The following PTPRD variants were observed in gnomAD, a reference collection of about 807,000 sequenced individuals.
The protein encoded by PTPRD is receptor-type tyrosine-protein phosphatase delta.
PTPRD carries 34 observed loss-of-function variants against 214.5 expected under a neutral mutation model. The ratio of observed to expected loss-of-function variants is 0.16; its 90% confidence interval spans 0.12 to 0.21. The LOEUF (loss-of-function observed/expected upper bound fraction) is 0.21. Among genes scored for constraint, PTPRD ranks in the 10% least tolerant of loss-of-function variants. PTPRD has a pLI of 1.00. For synonymous variants in PTPRD, 1,128 were observed against 845.7 expected, an observed-to-expected ratio of 1.33 and a Z score of -5.79; for missense variants, 2,545 against 2,398.7, an observed-to-expected ratio of 1.06 and a Z score of -1.27.
At chr9:9,189,413 T>C (rs968575486) in intron 9 of PTPRD, among the ~76,000 whole-genome samples, 1 of 152,076 alleles carries the variant, frequency 6.6e-6, no homozygotes, top group Non-Finnish European at 1.5e-5. Flanking sequence ...CATAAATTCA[T>C]TTTATTAAAT....
At chr9:9,097,359 G>A (rs1198236124) in intron 10 of PTPRD, among the ~76,000 whole-genome samples, 2 of 151,894 alleles carry the variant, frequency 1.3e-5, no homozygotes, top group Non-Finnish European at 2.9e-5. Flanking sequence ...AAGGACTGGA[G>A]GAAGGGTTTA....
chr9:10,390,256 G>A (rs1161955872), intron 2 of PTPRD, among the ~76,000 whole-genome samples: 1 of 151,770 alleles, frequency 6.6e-6, no homozygotes, highest in Non-Finnish European at 1.5e-5. Context: ...ATCATACCAT[G>A]TGGTCTTAGA....
Position 10,136,789 on chromosome 9 carries a change from G to A in PTPRD, c.-544-102999C>T, listed in dbSNP as rs1382495441. On this transcript the variant is annotated intron_variant, in intron 3 of 45. Coordinates refer to ENST00000381196, the MANE Select transcript of PTPRD (RefSeq NM_002839.4). ...ACCTACAACATGGGAGAAAATTTTC[G>A]CAACCTACTCATCTGACAAAGGGCT... Among the ~76,000 whole-genome samples, 29 of 62,724 alleles carry A rather than the reference G, an allele frequency of 4.6e-4. 2 individuals are homozygous for A. The highest frequency in any genetic ancestry group is 6.7e-4 in the Non-Finnish European group (23 of 34,290). 41.1% of individuals were successfully genotyped at this position (62,724 alleles called of 152,430 possible).
intron 5 of PTPRD, among the ~76,000 whole-genome samples, chr9:9,916,518 T>C (rs1317588003): frequency 4.0e-5 from 6 of 151,772 alleles, no homozygotes; most frequent in Non-Finnish European, 5.9e-5. Flanking sequence ...TTTAAAATCC[T>C]CTCTCTATAT....
chr9:8,511,541 T>C (rs1414947342), intron 21 of PTPRD, among the ~76,000 whole-genome samples: 1 of 152,112 alleles, frequency 6.6e-6, no homozygotes, highest in Non-Finnish European at 1.5e-5. Flanking sequence ...ACTGATTAAC[T>C]GAACATAAAT....
chr9:10,128,831 G>C (rs2098838375), intron 3 of PTPRD, among the ~76,000 whole-genome samples: 1 of 152,026 alleles, frequency 6.6e-6, no homozygotes, highest in African/African-American at 2.4e-5. Context: ...TACTTAATAA[G>C]TCACCTGGGA....
chr9:8,676,650 C>T (rs1009634050), intron 12 of PTPRD, among the ~76,000 whole-genome samples: 10 of 151,934 alleles, frequency 6.6e-5, no homozygotes, highest in Admixed American at 3.3e-4. Flanking sequence ...CTCGGCTCAC[C>T]GCCACCACTG....
chr9:9,458,759 G>A (rs2093343623), intron 8 of PTPRD, among the ~76,000 whole-genome samples: 1 of 152,044 alleles, frequency 6.6e-6, no homozygotes, highest in South Asian at 2.1e-4. Context: ...TGGGCAGCAT[G>A]TAGAAGCCCC....
intron 3 of PTPRD, among the ~76,000 whole-genome samples, chr9:10,063,445 T>C (rs1352287937): frequency 6.6e-6 from 1 of 152,052 alleles, no homozygotes; most frequent in African/African-American, 2.4e-5. Context: ...AAAAGCGTTA[T>C]GAAGAGCAAA....
chr9:10,206,209 A>G (rs2099476450), intron 3 of PTPRD, among the ~76,000 whole-genome samples: 1 of 152,174 alleles, frequency 6.6e-6, no homozygotes, highest in Non-Finnish European at 1.5e-5. Context: ...ATGAAATACC[A>G]CAGCATGTCT....
chr9:9,314,960 T>C (rs1569567294), intron 9 of PTPRD, among the ~76,000 whole-genome samples: 1 of 152,034 alleles, frequency 6.6e-6, no homozygotes, highest in African/African-American at 2.4e-5. Flanking sequence ...AGCATCCTGA[T>C]CTTGCCTTTC....
rs1310203748 is a variant in PTPRD at position 8,702,821 on chromosome 9, C to T, written c.64+30959G>A. ...ACGGGGTTTCACCATGTTGGCCAGG[C>T]CAGTCTCAAACTCCTGATCTTGTGA... On this transcript the variant is annotated intron_variant, in intron 12 of 45. Transcript: ENST00000381196. Among the ~76,000 whole-genome samples, 9 of 152,300 alleles carry T rather than the reference C, an allele frequency of 5.9e-5. No individual in the cohort carries two copies. The Middle Eastern group carries it at 0.021, about 348-fold the overall frequency.
chr9:8,464,714 C>CT (rs1320604893), intron 32 of PTPRD, among the ~76,000 whole-genome samples: 1 of 50,848 alleles, frequency 2.0e-5, no homozygotes, highest in South Asian at 1.4e-3. Flanking sequence ...ATATCTCTCC[C>CT]CTTTTTTTTT....
At chr9:9,564,897 T>G (rs1025164615) in intron 8 of PTPRD, among the ~76,000 whole-genome samples, 2 of 140,244 alleles carry the variant, frequency 1.4e-5, no homozygotes, top group South Asian at 2.4e-4. Context: ...TTTTTTTTTT[T>G]TTTTTTTTTT....
Position 9,654,583 on chromosome 9 carries a change from G to A in PTPRD, c.-286-79802C>T, listed in dbSNP as rs190516438. ...CACCTGAACATTACAAATCAATTACGTAAAACACTTTCATTTAAGATTGTG... is the reference window on the plus strand; with the variant it reads ...CACCTGAACATTACAAATCAATTACATAAAACACTTTCATTTAAGATTGTG... On this transcript the variant is annotated intron_variant, in intron 7 of 45. Transcript: ENST00000381196. Among the ~76,000 whole-genome samples the A allele has an allele frequency of 2.1e-3, 324 of 152,156 alleles. 5 individuals are homozygous for A. The South Asian group carries it at 0.027, about 13-fold the overall frequency.
intron 2 of PTPRD, among the ~76,000 whole-genome samples, chr9:10,451,624 T>C (rs139987205): frequency 1.3e-5 from 2 of 151,808 alleles, no homozygotes; most frequent in Non-Finnish European, 2.9e-5. Flanking sequence ...ATTCAGCAAC[T>C]AGATCAGTGA....
At chr9:9,787,290 G>C (rs940631027) in intron 5 of PTPRD, among the ~76,000 whole-genome samples, 5 of 151,494 alleles carry the variant, frequency 3.3e-5, no homozygotes, top group Admixed American at 3.3e-4. Flanking sequence ...GTGGTAGAGA[G>C]TGCTACCTCA....
At chr9:9,548,803 G>T (rs1025848482) in intron 8 of PTPRD, among the ~76,000 whole-genome samples, 1 of 151,894 alleles carries the variant, frequency 6.6e-6, no homozygotes, top group Non-Finnish European at 1.5e-5. Flanking sequence ...TGGTCAATTC[G>T]GCAAGTAGAC....
At chr9:9,231,606 T>G (rs1029648933) in intron 9 of PTPRD, among the ~76,000 whole-genome samples, 26 of 152,154 alleles carry the variant, frequency 1.7e-4, no homozygotes, top group African/African-American at 5.1e-4. Context: ...TATAATTAGG[T>G]ATATGCCAAA....
Sources: allele counts gnomAD v4.1 joint callset (sites outside exome capture counted in the v4.1 genomes callset), GRCh38; gene constraint gnomAD v4.1.1; transcripts MANE v1.5; gene names NCBI Gene and HGNC (gene_info 2026-07-23, HGNC 2026-07-21).